Variants in PDE6B observed in about 807,000 individuals in gnomAD.
The protein encoded by PDE6B is phosphodiesterase 6B.
Under a neutral mutation model 109.0 loss-of-function variants are expected in PDE6B, and 106 were observed. That is an observed-to-expected ratio of 0.97 (90% CI 0.83 to 1.14). The LOEUF is 1.14. Among genes scored for constraint, PDE6B ranks in the 50% most tolerant of loss-of-function variants. PDE6B has a pLI of 0.00. For missense variants in PDE6B, 1,193 were observed against 1,155.6 expected, an observed-to-expected ratio of 1.03 and a Z score of -0.47; for synonymous variants, 490 against 471.3, an observed-to-expected ratio of 1.04 and a Z score of -0.51.
rs370500746 is a variant in PDE6B, at chr4:626,753, G to T, written c.468+659G>T. Among the ~76,000 whole-genome samples the T allele has an allele frequency of 2.0e-5, 3 of 152,238 alleles. No homozygotes were observed. Among genetic ancestry groups the T allele is most frequent in the Non-Finnish European group, 4.4e-5 (3 of 68,032 alleles). On this transcript the variant is annotated intron_variant, in intron 1 of 21. Transcript: ENST00000496514. The surrounding 1 kb of genome is among the most constrained non-coding windows in gnomAD (Gnocchi z 4.6). ...AGTCACTGAAGGAGGGAAGGGCAGG[G>T]CCTGTTCATGCAAAGCCTGGGCTAG...
chr4:654,753 CTG>C (rs144362048), intron 5 of PDE6B, 69 bp from the exon 6 acceptor site: 3,365 of 658,192 alleles, frequency 5.1e-3, no homozygotes, highest in Non-Finnish European at 6.7e-3. Flanking sequence ...CTGCATGTAG[CTG>C]TGTGTGTGTG....
At chr4:639,404 G>A (rs1407953719) in intron 3 of PDE6B, among the ~76,000 whole-genome samples, 1 of 152,152 alleles carries the variant, frequency 6.6e-6, no homozygotes, top group Non-Finnish European at 1.5e-5. Flanking sequence ...ACAGTTCACA[G>A]GAGGCAGAAA....
Position 631,269 on chromosome 4 carries a change from G to A in PDE6B, c.469-3408G>A, listed in dbSNP as rs181174519. Among the ~76,000 whole-genome samples, 37 of 152,364 alleles carry A rather than the reference G, an allele frequency of 2.4e-4. 1 individual carries two copies. Among genetic ancestry groups the A allele is most frequent in the Middle Eastern group, 6.8e-3 (2 of 294 alleles). ...GAGCTGTGAAAACGTGTGGGGCAGA[G>A]AGAAGTGACAGAGTCAGGTCTGAGA... On this transcript the variant is annotated intron_variant, in intron 1 of 21. Transcript: ENST00000496514.
chr4:637,490 G>A (rs1463963741), intron 3 of PDE6B, among the ~76,000 whole-genome samples: 2 of 152,108 alleles, frequency 1.3e-5, no homozygotes, highest in African/African-American at 4.8e-5. Flanking sequence ...CAGAGTGCTG[G>A]GATTACTGGT....
In PDE6B at chr4:648,437, G is replaced by C. The variant is rs551922077; in HGVS notation, c.712-5415G>C. 6.6e-6 allele frequency among the ~76,000 whole-genome samples: 1 copy of C among 150,472 alleles called. No individual in the cohort carries two copies. Among genetic ancestry groups the C allele is most frequent in the African/African-American group, 2.5e-5 (1 of 39,872 alleles). ...GAGCAAAGATTGGCCCCCGCAGTCC[G>C]CCCAACGCCTGCACTTCGTCTGCCT... is the stretch of plus-strand genomic sequence containing the variant. On this transcript the variant is annotated intron_variant, in intron 3 of 21. Transcript: ENST00000496514. The surrounding 1 kb of genome is among the most constrained non-coding windows in gnomAD (Gnocchi z 4.5).
chr4:665,007 G>T lies in PDE6B; in HGVS notation c.2193+63G>T, dbSNP rs193116090. ...CTCTCAGCACATGGGACTGCCGGGC[G>T]GGCGGGAGCCTCGGATGGCAACGGA... On this transcript the variant is annotated intron_variant, in intron 18 of 21. Coordinates refer to ENST00000496514, the MANE Select transcript of PDE6B (RefSeq NM_000283.4). This position sits in a 1 kb window ranked among gnomAD's most constrained non-coding sequence, Gnocchi z 4.0. 2.7e-5 allele frequency: 37 copies of T among 1,347,334 alleles called. No individual in the cohort carries two copies. Among genetic ancestry groups the T allele is most frequent in the Non-Finnish European group, 3.7e-5 (35 of 938,526 alleles). The allele number at this position is 1,347,334 out of a possible 1,614,324, so 83.5% of individuals were successfully genotyped here.
chr4:646,715 G>A (rs535883221), intron 3 of PDE6B, among the ~76,000 whole-genome samples: 6 of 152,096 alleles, frequency 3.9e-5, no homozygotes, highest in Non-Finnish European at 7.3e-5. Context: ...GGGCGGCGGC[G>A]CACTGCGTTT....
At chr4:632,793 A>G (rs1238180950) in intron 1 of PDE6B, among the ~76,000 whole-genome samples, 1 of 147,550 alleles carries the variant, frequency 6.8e-6, no homozygotes, top group Admixed American at 6.7e-5. Context: ...GTGGATCTGC[A>G]TGGTGCCGAG....
At chr4:627,860 C>G (rs1485844041) in intron 1 of PDE6B, among the ~76,000 whole-genome samples, 1 of 152,070 alleles carries the variant, frequency 6.6e-6, no homozygotes, top group Non-Finnish European at 1.5e-5. Context: ...CCCTTTGTCC[C>G]CACCCGGCTG....
chr4:631,256 C>A (rs1241285328), intron 1 of PDE6B, among the ~76,000 whole-genome samples: 1 of 152,168 alleles, frequency 6.6e-6, no homozygotes, highest in Admixed American at 6.5e-5. Context: ...GCTGTGAAAA[C>A]GTGTGGGGCA....
chr4:657,119 T>A (rs574553709), intron 9 of PDE6B, 96 bp downstream of exon 9: 1 of 1,344,630 alleles, frequency 7.4e-7, no homozygotes, highest in Admixed American at 1.7e-5. Context: ...TTCGGCTGTG[T>A]GCGTGTGCTC....
rs539992414 is a variant in PDE6B at position 654,806 on chromosome 4, G to GTGTCTTCTGCTTCTCAGGAAAT, written c.928-9_940dup. The GTGTCTTCTGCTTCTCAGGAAAT allele has an allele frequency of 6.1e-3, 8,563 of 1,412,044 alleles. 56 individuals carry two copies. Among genetic ancestry groups the GTGTCTTCTGCTTCTCAGGAAAT allele is most frequent in the Non-Finnish European group, 7.3e-3 (7,222 of 995,172 alleles). 87.5% of individuals were successfully genotyped at this position (1,412,044 alleles called of 1,614,324 possible). A position where few individuals can be genotyped will look rare whatever the true frequency, so the allele number is the denominator to read the frequency against. Reference sequence around the variant, plus strand: ...GCTTGGCCAGGCAGCCCCCCGACCAGTGTCTTCTGCTTCTCAGGAAATTGT... The same window carrying GTGTCTTCTGCTTCTCAGGAAAT: ...GCTTGGCCAGGCAGCCCCCCGACCAGTGTCTTCTGCTTCTCAGGAAATTGTCTTCTGCTTCTCAGGAAATTGT... On this transcript the variant is annotated splice_polypyrimidine_tract_variant and intron_variant, in intron 5 of 21. Transcript: ENST00000496514.
rs752107771 is a variant in PDE6B at position 648,430 on chromosome 4, G to A, written c.712-5422G>A. ...TTGTGATGAGCAAAGATTGGCCCCC[G>A]CAGTCCGCCCAACGCCTGCACTTCG... On this transcript the variant is annotated intron_variant, in intron 3 of 21. Transcript: ENST00000496514. This position sits in a 1 kb window ranked among gnomAD's most constrained non-coding sequence, Gnocchi z 4.5. Among the ~76,000 whole-genome samples, 3 of 150,492 alleles carry A rather than the reference G, an allele frequency of 2.0e-5. No homozygotes were observed. The highest frequency in any genetic ancestry group is 2.1e-4 in the South Asian group (1 of 4,788).
chr4:652,873 C>G (rs1273380693), intron 3 of PDE6B: 2 of 147,270 alleles, frequency 1.4e-5, no homozygotes, highest in African/African-American at 5.2e-5. Flanking sequence ...TTGTAATGTT[C>G]TCACCACAAA....
intron 3 of PDE6B, among the ~76,000 whole-genome samples, chr4:647,697 G>A (rs543356824): frequency 6.6e-6 from 1 of 152,072 alleles, no homozygotes; most frequent in East Asian, 1.9e-4. Context: ...CATCTCGGGT[G>A]AGGGCTTCAC....
intron 12 of PDE6B, among the ~76,000 whole-genome samples, chr4:660,989 A>ATGGATGGG (rs140801557): frequency 9.7e-6 from 1 of 103,556 alleles, no homozygotes; most frequent in Non-Finnish European, 1.9e-5. Flanking sequence ...GGATAAATGG[A>ATGGATGGG]TGGGTGGGTG....
intron 1 of PDE6B, among the ~76,000 whole-genome samples, chr4:631,436 G>A (rs1293126777): frequency 6.6e-6 from 1 of 151,782 alleles, no homozygotes; most frequent in East Asian, 2.0e-4. Flanking sequence ...GTCACATTGT[G>A]TGGATCCTGT....
chr4:640,089 T>A (rs145901284), intron 3 of PDE6B, among the ~76,000 whole-genome samples: 1 of 152,324 alleles, frequency 6.6e-6, no homozygotes, highest in East Asian at 1.9e-4. Flanking sequence ...GAGAATCACT[T>A]GAGGCCAGGA....
chr4:642,241 G>A lies in PDE6B; in HGVS notation c.711+6272G>A, dbSNP rs181619875. On this transcript the variant is annotated intron_variant, in intron 3 of 21. Coordinates refer to ENST00000496514, the MANE Select transcript of PDE6B (RefSeq NM_000283.4). ...AATCCCAGCACTTTGGGAGGCCAAG[G>A]TGGGTGGATCACCTGAGGTCGGGAG... is the stretch of plus-strand genomic sequence containing the variant. Among the ~76,000 whole-genome samples the A allele has an allele frequency of 2.0e-4, 30 of 151,994 alleles. No homozygotes were observed. In the East Asian group the frequency reaches 5.5e-3, roughly 28 times the overall value.
Sources: gnomAD v4.1 joint callset for allele counts (sites outside exome capture counted in the v4.1 genomes callset) on GRCh38, gnomAD v4.1.1 for gene constraint, Gnocchi (gnomAD v3.1) non-coding constraint, MANE v1.5 for transcripts, NCBI Gene and HGNC (gene_info 2026-07-23, HGNC 2026-07-21) for gene names.